Variants in SYT1 observed in about 807,000 individuals in gnomAD.
SYT1 encodes the protein synaptotagmin-1.
In SYT1, 8 loss-of-function variants were observed where a neutral mutation model predicts 44.8. That is an observed-to-expected ratio of 0.18 (90% CI 0.10 to 0.32). The LOEUF (loss-of-function observed/expected upper bound fraction) is 0.32. Among genes scored for constraint, SYT1 ranks in the 10% least tolerant of loss-of-function variants. The pLI is 1.00. For synonymous variants in SYT1, 154 were observed against 188.8 expected, an observed-to-expected ratio of 0.82 and a Z score of 1.51; for missense variants, 286 against 509.3, an observed-to-expected ratio of 0.56 and a Z score of 4.22.
At chr12:79,219,932 G>A (rs1875052960) in intron 4 of SYT1, among the ~76,000 whole-genome samples, 1 of 151,774 alleles carries the variant, frequency 6.6e-6, no homozygotes, top group South Asian at 2.1e-4. Context: ...TTTCTATCAG[G>A]GCTTTTCTGG....
chr12:79,312,294 A>G (rs141890547), intron 8 of SYT1, among the ~76,000 whole-genome samples: 2 of 152,250 alleles, frequency 1.3e-5, no homozygotes, highest in African/African-American at 4.8e-5. Flanking sequence ...TAAGGACTTG[A>G]TTGTCAGGGC....
chr12:79,327,608 A>G (rs1274893285), intron 8 of SYT1, among the ~76,000 whole-genome samples: 1 of 152,242 alleles, frequency 6.6e-6, no homozygotes, highest in Non-Finnish European at 1.5e-5. Flanking sequence ...AAGATTTTGC[A>G]TTAATCTGAT....
At chr12:79,108,909 T>G (rs1328045112) in intron 3 of SYT1, among the ~76,000 whole-genome samples, 1 of 152,220 alleles carries the variant, frequency 6.6e-6, no homozygotes, top group Non-Finnish European at 1.5e-5. Context: ...GTAGATGGTA[T>G]ATATAGTAAT....
chr12:79,317,896 T>C lies in SYT1; in HGVS notation c.810+18345T>C, dbSNP rs1473283360. ...TGGACCGTATTAGTCACATAGATCA[T>C]GATAAATGATCAAGTTTGTAGACAT... is the stretch of plus-strand genomic sequence containing the variant. On this transcript the variant is annotated intron_variant, in intron 8 of 10. Transcript: ENST00000261205. 2.0e-5 allele frequency among the ~76,000 whole-genome samples: 3 copies of C among 152,134 alleles called. No individual in the cohort carries two copies. The East Asian group carries it at 5.8e-4, about 29-fold the overall frequency.
chr12:79,134,203 T>A (rs970254319), intron 3 of SYT1, among the ~76,000 whole-genome samples: 1 of 152,188 alleles, frequency 6.6e-6, no homozygotes, highest in African/African-American at 2.4e-5. Context: ...CATATTCATT[T>A]ACTGAGAATA....
chr12:79,075,218 A>G (rs995096974), intron 3 of SYT1, among the ~76,000 whole-genome samples: 6 of 152,154 alleles, frequency 3.9e-5, no homozygotes, highest in African/African-American at 1.4e-4. Flanking sequence ...CTTGGGCAAA[A>G]TCTTCAAGGC....
chr12:78,934,715 A>T (rs970001884), intron 1 of SYT1, among the ~76,000 whole-genome samples: 1 of 150,456 alleles, frequency 6.6e-6, no homozygotes, highest in Non-Finnish European at 1.5e-5. Context: ...ATTGAAATAA[A>T]ATCTGAACAT....
intron 1 of SYT1, among the ~76,000 whole-genome samples, chr12:78,884,937 T>C (rs911568727): frequency 5.3e-5 from 8 of 151,922 alleles, no homozygotes; most frequent in African/African-American, 1.4e-4. Flanking sequence ...TTAACTGTTT[T>C]TGTATATTGC....
At chr12:79,443,801 C>T (rs1439289997) in intron 9 of SYT1, among the ~76,000 whole-genome samples, 4 of 152,172 alleles carry the variant, frequency 2.6e-5, no homozygotes, top group African/African-American at 9.6e-5. Flanking sequence ...GGAAATGCTG[C>T]ATGTTAAGAC....
At chr12:79,161,444 T>G (rs1386944400) in intron 3 of SYT1, among the ~76,000 whole-genome samples, 2 of 152,138 alleles carry the variant, frequency 1.3e-5, no homozygotes, top group Admixed American at 6.6e-5. Flanking sequence ...TTTGTGTAAG[T>G]ACACTCTATA....
chr12:79,320,922 C>T (rs1173929134), intron 8 of SYT1, among the ~76,000 whole-genome samples: 1 of 151,904 alleles, frequency 6.6e-6, no homozygotes, highest in Non-Finnish European at 1.5e-5. Context: ...CACCTGGCCT[C>T]TCGGGTAATT....
intron 2 of SYT1, among the ~76,000 whole-genome samples, chr12:79,010,665 T>A (rs571694349): frequency 3.3e-5 from 5 of 152,318 alleles, no homozygotes; most frequent in Admixed American, 1.3e-4. Flanking sequence ...CTTTTGATTC[T>A]CACTGATTAT....
chr12:79,183,779 C>A (rs1380600399), intron 3 of SYT1, among the ~76,000 whole-genome samples: 1 of 152,028 alleles, frequency 6.6e-6, no homozygotes, highest in African/African-American at 2.4e-5. Flanking sequence ...TCTCAAGGGT[C>A]AATCAATGCT....
chr12:79,093,395 C>A (rs1461343853), intron 3 of SYT1, among the ~76,000 whole-genome samples: 1 of 151,654 alleles, frequency 6.6e-6, no homozygotes, highest in Non-Finnish European at 1.5e-5. Context: ...CAGTTTAATT[C>A]TTTAACCCAG....
Position 78,902,211 on chromosome 12 carries a change from T to TAC in SYT1, c.-217+37103_-217+37104dup, listed in dbSNP as rs1491318142. ...TAATAAATATGTATATATATATATA[T>TAC]ACTTTAATACTGATTATGCTGATCA... On this transcript the variant is annotated intron_variant, in intron 1 of 10. Coordinates refer to ENST00000261205, the MANE Select transcript of SYT1 (RefSeq NM_005639.3). 2.0e-3 allele frequency among the ~76,000 whole-genome samples: 299 copies of TAC among 146,614 alleles called. 2 individuals are homozygous for TAC. Among genetic ancestry groups the TAC allele is most frequent in the African/African-American group, 7.4e-3 (292 of 39,220 alleles).
intron 8 of SYT1, among the ~76,000 whole-genome samples, chr12:79,347,453 A>C (rs968943513): frequency 1.3e-5 from 2 of 152,138 alleles, no homozygotes; most frequent in African/African-American, 4.8e-5. Flanking sequence ...TTCCCCATAG[A>C]ATTGACTGAG....
intron 4 of SYT1, among the ~76,000 whole-genome samples, chr12:79,219,307 C>T (rs1221163901): frequency 6.6e-6 from 1 of 151,824 alleles, no homozygotes; most frequent in East Asian, 1.9e-4. Flanking sequence ...TAGATTGCCC[C>T]TTTATTTTGT....
At chr12:78,890,830 C>T (rs1280644168) in intron 1 of SYT1, among the ~76,000 whole-genome samples, 4 of 151,916 alleles carry the variant, frequency 2.6e-5, no homozygotes, top group Non-Finnish European at 4.4e-5. Context: ...CTTTTCCTTT[C>T]ACCATTTTAA....
At chr12:79,183,972 G>A (rs1416202523) in intron 3 of SYT1, among the ~76,000 whole-genome samples, 3 of 152,038 alleles carry the variant, frequency 2.0e-5, no homozygotes, top group East Asian at 1.9e-4. Context: ...CATCGTCTCC[G>A]CCAGCCACCA....
Sources: allele counts gnomAD v4.1 joint callset (sites outside exome capture counted in the v4.1 genomes callset), GRCh38; gene constraint gnomAD v4.1.1; transcripts MANE v1.5; gene names NCBI Gene and HGNC (gene_info 2026-07-23, HGNC 2026-07-21).